Variants in CHMP3 observed in about 807,000 individuals in gnomAD.
CHMP3 encodes the protein 25.1 protein.
Under a neutral mutation model 27.4 loss-of-function variants are expected in CHMP3, and 8 were observed. The ratio of observed to expected loss-of-function variants is 0.29; its 90% confidence interval spans 0.17 to 0.53. The LOEUF (loss-of-function observed/expected upper bound fraction) is 0.53. CHMP3 is among the 20% of genes least tolerant of loss of function. The pLI is 0.96. For synonymous variants in CHMP3, 86 were observed against 85.5 expected (o/e 1.01, Z -0.03); for missense variants, 208 against 271.5 (o/e 0.77, Z 1.64).
At chr2:86,533,838 T>G (rs1262398649) in intron 2 of CHMP3, among the ~76,000 whole-genome samples, 1 of 152,222 alleles carries the variant, frequency 6.6e-6, no homozygotes, top group Non-Finnish European at 1.5e-5. Flanking sequence ...AATTTTCCTC[T>G]GAGTGTTGCT....
intron 1 of CHMP3, among the ~76,000 whole-genome samples, chr2:86,558,866 A>G (rs1677237056): frequency 7.4e-6 from 1 of 135,790 alleles, no homozygotes; most frequent in South Asian, 2.1e-4. Flanking sequence ...TTTCTCCCTT[A>G]AAAGAAAAAA....
chr2:86,542,162 C>A, intron 2 of CHMP3, 90 bp downstream of exon 2: 1 of 1,343,266 alleles, frequency 7.4e-7, no homozygotes, highest in Non-Finnish European at 1.1e-6. Flanking sequence ...TAAACTATGT[C>A]TTATGATATA....
At chr2:86,515,922 C>T (rs1031765828) in intron 3 of CHMP3, among the ~76,000 whole-genome samples, 1 of 151,926 alleles carries the variant, frequency 6.6e-6, no homozygotes, top group Non-Finnish European at 1.5e-5. Context: ...CTTTGTGAGG[C>T]TGATGTGGGT....
chr2:86,550,047 A>G (rs1676836923), intron 1 of CHMP3, among the ~76,000 whole-genome samples: 2 of 152,222 alleles, frequency 1.3e-5, no homozygotes, highest in South Asian at 4.1e-4. Flanking sequence ...TGGAGGTTGC[A>G]GCGAGCTGAG....
intron 3 of CHMP3, chr2:86,527,033 T>G (rs1675740903): frequency 6.6e-6 from 1 of 152,100 alleles, no homozygotes; most frequent in South Asian, 2.1e-4. Flanking sequence ...GAAGGTGTAT[T>G]AAAGGAGCTT....
chr2:86,537,264 C>T (rs1573276830), intron 2 of CHMP3, among the ~76,000 whole-genome samples: 1 of 152,160 alleles, frequency 6.6e-6, no homozygotes. Context: ...GCTTTTGAAT[C>T]ATTCTAGTAA....
At chr2:86,511,075 A>G (rs949457701) in intron 3 of CHMP3, 1 of 152,262 alleles carries the variant, frequency 6.6e-6, no homozygotes, top group African/African-American at 2.4e-5. Flanking sequence ...GGTAGTATCA[A>G]AAGATCATTG....
intron 1 of CHMP3, among the ~76,000 whole-genome samples, chr2:86,553,488 C>A (rs1165549975): frequency 6.6e-6 from 1 of 152,072 alleles, no homozygotes; most frequent in Non-Finnish European, 1.5e-5. Context: ...CACGCCACCA[C>A]GCCCAGCTAA....
At position 86,554,810 on chromosome 2, in the gene CHMP3, T is replaced by TGCGC. The variant is rs571670029; in HGVS notation, c.45+8490_45+8493dup. On this transcript the variant is annotated intron_variant, in intron 1 of 5. Coordinates refer to ENST00000263856, the MANE Select transcript of CHMP3 (RefSeq NM_016079.4). ...AGTCCATCAATAGAATAAATGTGTG[T>TGCGC]GCGCGCGTGTGTGTGTGTGTGTGTG... Among the ~76,000 whole-genome samples the TGCGC allele has an allele frequency of 4.4e-3, 471 of 105,866 alleles. 4 individuals are homozygous for TGCGC. The highest frequency in any genetic ancestry group is 0.015 in the African/African-American group (454 of 29,710). 69.5% of individuals were successfully genotyped at this position (105,866 alleles called of 152,430 possible). A position where few individuals can be genotyped will look rare whatever the true frequency, so the allele number is the denominator to read the frequency against.
chr2:86,549,300 G>T (rs1172473608), intron 1 of CHMP3, among the ~76,000 whole-genome samples: 1 of 145,880 alleles, frequency 6.9e-6, no homozygotes, highest in Admixed American at 6.7e-5. Flanking sequence ...CAGACGGGGC[G>T]GCCGGGCAGA....
rs150616888 is a variant in CHMP3, at chr2:86,543,181, C to G, written c.46-869G>C. On this transcript the variant is annotated intron_variant, in intron 1 of 5. Transcript: ENST00000263856. ...ACCCTTGTAGCATTCATTCATGTAGCAGTCATCCATGGACATACAGACTAA... is the reference window on the plus strand; with the variant it reads ...ACCCTTGTAGCATTCATTCATGTAGGAGTCATCCATGGACATACAGACTAA... Among the ~76,000 whole-genome samples, 1,053 of 152,294 alleles carry G rather than the reference C, an allele frequency of 6.9e-3. 10 individuals carry two copies. Among genetic ancestry groups the G allele is most frequent in the African/African-American group, 0.023 (955 of 41,558 alleles).
chr2:86,546,339 T>C (rs926564439), intron 1 of CHMP3, among the ~76,000 whole-genome samples: 1 of 108,416 alleles, frequency 9.2e-6, no homozygotes, highest in Non-Finnish European at 1.7e-5. Context: ...CAGTCCAGCC[T>C]CGGCAACAGA....
chr2:86,554,582 T>C (rs992189288), intron 1 of CHMP3, among the ~76,000 whole-genome samples: 3 of 152,168 alleles, frequency 2.0e-5, no homozygotes, highest in Non-Finnish European at 4.4e-5. Context: ...GACAAGCAAC[T>C]TTCATATATT....
intron 1 of CHMP3, among the ~76,000 whole-genome samples, chr2:86,555,831 A>T (rs190104311): frequency 6.6e-6 from 1 of 152,290 alleles, no homozygotes. Flanking sequence ...CCACCTGAAT[A>T]ACTCCCCATC....
At chr2:86,524,840 T>C (rs1306276376) in intron 3 of CHMP3, among the ~76,000 whole-genome samples, 2 of 152,200 alleles carry the variant, frequency 1.3e-5, no homozygotes, top group African/African-American at 4.8e-5. Flanking sequence ...CTTTTGTATA[T>C]GCTTAATATT....
intron 1 of CHMP3, among the ~76,000 whole-genome samples, chr2:86,543,582 C>T (rs1676443019): frequency 6.6e-6 from 1 of 152,224 alleles, no homozygotes; most frequent in Non-Finnish European, 1.5e-5. Context: ...CCTCTGTAGC[C>T]TATCATAATC....
At chr2:86,539,607 G>A (rs1250320485) in intron 2 of CHMP3, among the ~76,000 whole-genome samples, 1 of 152,122 alleles carries the variant, frequency 6.6e-6, no homozygotes, top group African/African-American at 2.4e-5. Context: ...ATGCAAGGCT[G>A]TGAGACACTA....
intron 1 of CHMP3, among the ~76,000 whole-genome samples, chr2:86,559,933 A>C (rs1182623337): frequency 1.3e-5 from 2 of 152,184 alleles, no homozygotes; most frequent in Admixed American, 6.5e-5. Flanking sequence ...GTCGGTTCTT[A>C]CATTGCTATA....
At chr2:86,556,183 A>C (rs558099534) in intron 1 of CHMP3, among the ~76,000 whole-genome samples, 1 of 152,366 alleles carries the variant, frequency 6.6e-6, no homozygotes, top group South Asian at 2.1e-4. Flanking sequence ...TTCAACAGCT[A>C]TAGAAAGGCA....
Sources: gnomAD v4.1 joint callset for allele counts (sites outside exome capture counted in the v4.1 genomes callset) on GRCh38, gnomAD v4.1.1 for gene constraint, MANE v1.5 for transcripts, NCBI Gene and HGNC (gene_info 2026-07-23, HGNC 2026-07-21) for gene names.